The following SERINC5 variants were observed in gnomAD, a reference collection of about 807,000 sequenced individuals.
The protein encoded by SERINC5 is serine incorporator 5.
SERINC5 carries 41 observed loss-of-function variants against 63.1 expected under a neutral mutation model. The ratio of observed to expected loss-of-function variants is 0.65; its 90% CI spans 0.51 to 0.84. The LOEUF (loss-of-function observed/expected upper bound fraction) is 0.84, where lower values mean the gene tolerates loss of function less well. Ranked by LOEUF, SERINC5 falls within the 40% of genes least tolerant of loss-of-function variation. The pLI is 0.00. For synonymous variants in SERINC5, 222 were observed against 215.2 expected, an observed-to-expected ratio of 1.03 and a Z score of -0.28; for missense variants, 523 against 573.0, an observed-to-expected ratio of 0.91 and a Z score of 0.89.
intron 5 of SERINC5, among the ~76,000 whole-genome samples, chr5:80,174,117 T>C (rs898970219): frequency 3.9e-5 from 6 of 151,940 alleles, no homozygotes; most frequent in Admixed American, 1.3e-4. Flanking sequence ...TCCCAGTACT[T>C]TGGGAGGCCA....
At position 80,141,477 on chromosome 5, in the gene SERINC5, C is replaced by T. The variant is rs887766622; in HGVS notation, c.*2186G>A. 1.4e-5 allele frequency: 13 copies of T among 952,248 alleles called. No individual in the cohort carries two copies. Among genetic ancestry groups the T allele is most frequent in the Admixed American group, 6.6e-5 (1 of 15,242 alleles). The allele number at this position is 952,248 out of a possible 1,614,324, so 59.0% of individuals were successfully genotyped here. A position where few individuals can be genotyped will look rare whatever the true frequency, so the allele number is the denominator to read the frequency against. ...CGCGTAAGGTCAGTTTCTCAAATCA[C>T]ACCAGCTGGCAGCCAGACCCAGCCG... On this transcript the variant is annotated 3_prime_UTR_variant, in exon 12 of 12. Transcript: ENST00000507668.
intron 7 of SERINC5, among the ~76,000 whole-genome samples, chr5:80,161,015 C>A (rs951886247): frequency 7.1e-6 from 1 of 141,152 alleles, no homozygotes; most frequent in Non-Finnish European, 1.5e-5. Context: ...TGTATATATA[C>A]GTGTATATAT....
chr5:80,172,537 T>C (rs985258494), intron 5 of SERINC5, among the ~76,000 whole-genome samples: 1 of 152,256 alleles, frequency 6.6e-6, no homozygotes, highest in African/African-American at 2.4e-5. Context: ...TAAAATGTTT[T>C]AATGATGAAA....
chr5:80,223,620 T>C (rs567673000), intron 1 of SERINC5, among the ~76,000 whole-genome samples: 2 of 152,140 alleles, frequency 1.3e-5, no homozygotes, highest in Non-Finnish European at 2.9e-5. Context: ...TATCCCACCC[T>C]GAGAGCAAGT....
chr5:80,146,274 G>A lies in SERINC5; in HGVS notation c.1094-40C>T, dbSNP rs147493951. 20 of 1,610,938 alleles carry A rather than the reference G, an allele frequency of 1.2e-5. No individual in the cohort carries two copies. In the Admixed American group the frequency reaches 2.8e-4, roughly 23 times the overall value. On this transcript the variant is annotated intron_variant, in intron 10 of 11. Coordinates refer to ENST00000507668, the MANE Select transcript of SERINC5 (RefSeq NM_001174072.3). ...GGGAGCCCAGGCTCAATGAGTGAAT[G>A]TGTGTGTTTACCATTCAGCAAAGTC...
intron 5 of SERINC5, among the ~76,000 whole-genome samples, chr5:80,173,365 G>A (rs1747803719): frequency 6.6e-6 from 1 of 152,160 alleles, no homozygotes; most frequent in South Asian, 2.1e-4. Context: ...GGAGGCCGAG[G>A]TGGGCGGATC....
chr5:80,221,193 A>AAAATAAAT (rs564718081), intron 1 of SERINC5, among the ~76,000 whole-genome samples: 5 of 152,184 alleles, frequency 3.3e-5, no homozygotes, highest in African/African-American at 9.6e-5. Flanking sequence ...CTGCAGGGTA[A>AAAATAAAT]AAATAAATAA....
At chr5:80,254,903 C>T (rs901666976) in intron 1 of SERINC5, among the ~76,000 whole-genome samples, 2 of 152,226 alleles carry the variant, frequency 1.3e-5, no homozygotes, top group Non-Finnish European at 2.9e-5. Flanking sequence ...AGTTTAACCA[C>T]TCCATCACTT....
Position 80,255,880 on chromosome 5 carries a change from G to C in SERINC5, c.27+16C>G. On this transcript the variant is annotated intron_variant, in intron 1 of 11. Coordinates refer to ENST00000507668, the MANE Select transcript of SERINC5 (RefSeq NM_001174072.3). Reference sequence around the variant, plus strand: ...TCCGATCTGACAACCCCCGCGCTGCGCCCGGCCTCGCTCACCTGGCCCGCA... The same window carrying C: ...TCCGATCTGACAACCCCCGCGCTGCCCCCGGCCTCGCTCACCTGGCCCGCA... The C allele has an allele frequency of 6.3e-7, 1 of 1,589,324 alleles. No individual in the cohort carries two copies. Among genetic ancestry groups the C allele is most frequent in the Non-Finnish European group, 8.5e-7 (1 of 1,172,354 alleles).
chr5:80,142,818 T>A lies in SERINC5; in HGVS notation c.*845A>T, dbSNP rs747987574. ...TATCATTATCAACAGCACAAACAAG[T>A]AAGAATGATAGCCCTCCATTGCTTA... On this transcript the variant is annotated 3_prime_UTR_variant, in exon 12 of 12. Transcript: ENST00000507668. 2.0e-6 allele frequency: 2 copies of A among 985,410 alleles called. No homozygotes were observed. Among genetic ancestry groups the A allele is most frequent in the Non-Finnish European group, 2.4e-6 (2 of 829,908 alleles). 61.0% of individuals were successfully genotyped at this position (985,410 alleles called of 1,614,324 possible). A position where few individuals can be genotyped will look rare whatever the true frequency, so the allele number is the denominator to read the frequency against.
intron 11 of SERINC5, among the ~76,000 whole-genome samples, chr5:80,118,013 G>A (rs1457437009): frequency 2.6e-5 from 4 of 152,052 alleles, no homozygotes; most frequent in Non-Finnish European, 4.4e-5. Flanking sequence ...GACCAGCCTG[G>A]TCAACATGGT....
chr5:80,249,670 C>T (rs1376861728), intron 1 of SERINC5, among the ~76,000 whole-genome samples: 1 of 151,334 alleles, frequency 6.6e-6, no homozygotes, highest in Non-Finnish European at 1.5e-5. Context: ...GGCGTGGTGG[C>T]GGGCACCTGT....
intron 5 of SERINC5, 35 bp from the exon 6 acceptor site, chr5:80,169,581 G>C: frequency 6.4e-7 from 1 of 1,553,402 alleles, no homozygotes; most frequent in Non-Finnish European, 8.8e-7. Context: ...AGGGAGAGGA[G>C]AGAAGACAAG....
downstream of SERINC5, among the ~76,000 whole-genome samples, chr5:80,137,640 C>CA (rs139138775): frequency 1.4e-5 from 1 of 70,048 alleles, no homozygotes; most frequent in South Asian, 3.7e-4. Flanking sequence ...AAGACTCTAA[C>CA]TCAAAAAAAA....
intron 2 of SERINC5, among the ~76,000 whole-genome samples, chr5:80,187,403 C>T (rs1748879207): frequency 6.6e-6 from 1 of 152,144 alleles, no homozygotes; most frequent in South Asian, 2.1e-4. Flanking sequence ...TTCCACTCAT[C>T]TTCAAACTTT....
chr5:80,203,144 C>T (rs892298796), intron 1 of SERINC5, 91 bp from the exon 2 acceptor site: 25 of 1,289,264 alleles, frequency 1.9e-5, no homozygotes, highest in Non-Finnish European at 2.7e-5. Context: ...ATCTGGAGTC[C>T]CTGCTACTCG....
chr5:80,144,506 T>C (rs1423964278), intron 11 of SERINC5, among the ~76,000 whole-genome samples: 2 of 152,156 alleles, frequency 1.3e-5, no homozygotes, highest in East Asian at 3.9e-4. Context: ...TCCTCGACAT[T>C]TGTTATTATC....
rs1054263531 is a variant in SERINC5, at chr5:80,132,610, T to A, written c.1238+13480A>T. Among the ~76,000 whole-genome samples, 3 of 151,078 alleles carry A rather than the reference T, an allele frequency of 2.0e-5. No homozygotes were observed. The East Asian group carries it at 5.8e-4, about 29-fold the overall frequency. ...CATTTGCCTTAGTTCTTTTTTTTTTTATTTCCACCATGCCTGGCTAATTTT... is the reference window on the plus strand; with the variant it reads ...CATTTGCCTTAGTTCTTTTTTTTTTAATTTCCACCATGCCTGGCTAATTTT... On this transcript the variant is annotated intron_variant, in intron 11 of 12. Transcript: ENST00000509193.
intron 11 of SERINC5, among the ~76,000 whole-genome samples, chr5:80,121,132 C>T (rs939633912): frequency 6.6e-5 from 10 of 152,136 alleles, no homozygotes; most frequent in Non-Finnish European, 1.3e-4. Flanking sequence ...GGTGATCCGC[C>T]CACTTTGGCC....
Sources: allele counts gnomAD v4.1 joint callset (sites outside exome capture counted in the v4.1 genomes callset), GRCh38; gene constraint gnomAD v4.1.1; transcripts MANE v1.5; gene names NCBI Gene and HGNC (gene_info 2026-07-23, HGNC 2026-07-21).